The following SHISA9 variants were observed in gnomAD, a reference collection of about 807,000 sequenced individuals.
SHISA9 encodes protein shisa-9.
A neutral mutation model predicts 38.0 loss-of-function variants in SHISA9; 13 were observed. That is an observed-to-expected ratio of 0.34 (90% confidence interval 0.22 to 0.54). The LOEUF (loss-of-function observed/expected upper bound fraction) is 0.54, where lower values mean the gene tolerates loss of function less well. Among genes scored for constraint, SHISA9 ranks in the 20% least tolerant of loss-of-function variants. The pLI is 0.91. For missense variants in SHISA9, 538 were observed against 575.8 expected (o/e 0.93, Z 0.67); for synonymous variants, 275 against 242.0 (o/e 1.14, Z -1.27).
chr16:13,088,933 T>C (rs1025661804), intron 2 of SHISA9, among the ~76,000 whole-genome samples: 12 of 152,220 alleles, frequency 7.9e-5, no homozygotes, highest in Non-Finnish European at 1.8e-4. Context: ...TTCAGTATGA[T>C]ATTGGCTGTG....
chr16:13,458,320 A>T, the SHISA9 span: 1 of 268,506 alleles, frequency 3.7e-6, no homozygotes, highest in African/African-American at 2.3e-5. Context: ...AATTATTGAG[A>T]CTCCACAGGA....
intron 2 of SHISA9, chr16:13,082,240 G>C (rs1462074031): frequency 6.6e-6 from 1 of 152,178 alleles, no homozygotes; most frequent in African/African-American, 2.4e-5. Context: ...TATACAATAA[G>C]AAAATGCAAA....
At chr16:13,390,582 C>T in the SHISA9 span, among the ~76,000 whole-genome samples, 22 of 152,252 alleles carry the variant, frequency 1.4e-4, no homozygotes, top group African/African-American at 4.6e-4. Context: ...TTTAAGAGCA[C>T]GTTTAAGATT....
intron 4 of SHISA9, among the ~76,000 whole-genome samples, chr16:13,234,709 C>T (rs780030490): frequency 2.0e-5 from 3 of 152,146 alleles, no homozygotes; most frequent in Admixed American, 2.0e-4. Context: ...AGAAACAACA[C>T]GCGAATTTCA....
intron 2 of SHISA9, among the ~76,000 whole-genome samples, chr16:13,112,305 A>T (rs998081712): frequency 9.9e-5 from 15 of 151,528 alleles, no homozygotes; most frequent in Non-Finnish European, 7.4e-5. Flanking sequence ...AGAGAAGGGA[A>T]AAAATAAGAG....
the SHISA9 span, among the ~76,000 whole-genome samples, chr16:13,526,915 T>G: frequency 6.6e-6 from 1 of 152,128 alleles, no homozygotes; most frequent in Admixed American, 6.5e-5. Flanking sequence ...CCCCAGATAC[T>G]TGAGCTTCCT....
chr16:13,067,738 C>G (rs1028075247), intron 2 of SHISA9, among the ~76,000 whole-genome samples: 1 of 152,192 alleles, frequency 6.6e-6, no homozygotes, highest in Non-Finnish European at 1.5e-5. Context: ...GGCCTTTGCT[C>G]ACGTCCCCAG....
chr16:13,433,568 G>T, the SHISA9 span, among the ~76,000 whole-genome samples: 1 of 152,248 alleles, frequency 6.6e-6, no homozygotes, highest in East Asian at 1.9e-4. Flanking sequence ...GCAAGTAATG[G>T]TTAAAGCAAG....
intron 2 of SHISA9, among the ~76,000 whole-genome samples, chr16:13,183,488 A>G (rs2050794388): frequency 6.6e-6 from 1 of 152,264 alleles, no homozygotes; most frequent in African/African-American, 2.4e-5. Context: ...CTTAAAAGGC[A>G]TAAAATGCTT....
chr16:13,464,919 A>T, the SHISA9 span, among the ~76,000 whole-genome samples: 1 of 152,050 alleles, frequency 6.6e-6, no homozygotes, highest in Non-Finnish European at 1.5e-5. Flanking sequence ...CCTCAAACAG[A>T]TAGACAGCTT....
chr16:13,378,853 A>G, the SHISA9 span, among the ~76,000 whole-genome samples: 1 of 152,354 alleles, frequency 6.6e-6, no homozygotes, highest in South Asian at 2.1e-4. Context: ...GGGTTGCTCC[A>G]TAGCTCAAAA....
intron 2 of SHISA9, among the ~76,000 whole-genome samples, chr16:13,048,874 G>C (rs188897534): frequency 6.6e-6 from 1 of 152,100 alleles, no homozygotes; most frequent in Non-Finnish European, 1.5e-5. Flanking sequence ...TTATTGAGTC[G>C]ATCATTCAGA....
chr16:13,367,825 T>A, the SHISA9 span, among the ~76,000 whole-genome samples: 1 of 151,912 alleles, frequency 6.6e-6, no homozygotes, highest in African/African-American at 2.4e-5. Context: ...GTCTTCCAGG[T>A]CATTAGCCTC....
chr16:13,327,784 G>A, the SHISA9 span, among the ~76,000 whole-genome samples: 1 of 151,986 alleles, frequency 6.6e-6, no homozygotes, highest in Non-Finnish European at 1.5e-5. Flanking sequence ...AGCCTCCCAA[G>A]TAGTTGGGAT....
chr16:13,026,456 GTTTC>G (rs1567186725), intron 2 of SHISA9, among the ~76,000 whole-genome samples: 1 of 152,128 alleles, frequency 6.6e-6, no homozygotes, highest in East Asian at 1.9e-4. Context: ...ATCTACTACA[GTTTC>G]TTTCTGCATT....
chr16:13,357,163 A>G, the SHISA9 span, among the ~76,000 whole-genome samples: 4 of 151,870 alleles, frequency 2.6e-5, no homozygotes, highest in Non-Finnish European at 4.4e-5. Flanking sequence ...GGGCACAGAG[A>G]TAAGAGGCTG....
chr16:13,203,743 A>G (rs1312187954), intron 3 of SHISA9, among the ~76,000 whole-genome samples, 194 bp downstream of exon 3: 2 of 151,814 alleles, frequency 1.3e-5, no homozygotes, highest in African/African-American at 4.8e-5. Context: ...CTATATATCT[A>G]TCTATGTCTG....
intron 1 of SHISA9, chr16:12,910,588 G>C (rs2071169452): frequency 1.0e-6 from 1 of 985,272 alleles, no homozygotes; most frequent in East Asian, 1.1e-4. Flanking sequence ...TCAATATTCA[G>C]TCATTTCAAC....
At chr16:13,267,592 G>A in the SHISA9 span, among the ~76,000 whole-genome samples, 1 of 152,130 alleles carries the variant, frequency 6.6e-6, no homozygotes, top group African/African-American at 2.4e-5. Context: ...AAAACTCTGT[G>A]GTGGTGTTAT....
Sources: gnomAD v4.1 joint callset for allele counts (sites outside exome capture counted in the v4.1 genomes callset) on GRCh38, gnomAD v4.1.1 for gene constraint, MANE v1.5 for transcripts, NCBI Gene and HGNC (gene_info 2026-07-23, HGNC 2026-07-21) for gene names.